FAM53A: variants seen among roughly 807,000 people sequenced by gnomAD.
FAM53A encodes family with sequence similarity 53 member A, also known as protein FAM53A.
A neutral mutation model predicts 26.6 loss-of-function variants in FAM53A; 28 were observed. That is an observed-to-expected ratio of 1.05 (90% confidence interval 0.78 to 1.45). The LOEUF is 1.45. FAM53A is among the 40% of genes most tolerant of loss of function. The pLI is 0.00. For missense variants in FAM53A, 650 were observed against 575.8 expected, an observed-to-expected ratio of 1.13 and a Z score of -1.32; for synonymous variants, 290 against 253.1, an observed-to-expected ratio of 1.15 and a Z score of -1.38.
At chr4:1,579,866 A>C in the FAM53A span, among the ~76,000 whole-genome samples, 1 of 152,194 alleles carries the variant, frequency 6.6e-6, no homozygotes, top group Non-Finnish European at 1.5e-5. Flanking sequence ...TCCACCCATC[A>C]GGCCTCGCCG....
chr4:1,667,682 C>A (rs1714333618), intron 2 of FAM53A, among the ~76,000 whole-genome samples: 1 of 152,172 alleles, frequency 6.6e-6, no homozygotes, highest in Admixed American at 6.5e-5. Context: ...AGACCCACAG[C>A]TTTCCCTTCA....
chr4:1,600,593 G>T, the FAM53A span, among the ~76,000 whole-genome samples: 156 of 152,290 alleles, frequency 1.0e-3, no homozygotes, highest in African/African-American at 3.6e-3. Context: ...TGCTGTGGCC[G>T]GCACACTGCG....
At chr4:1,649,200 A>AAGGGGAAG (rs1279318945) in intron 4 of FAM53A, among the ~76,000 whole-genome samples, 13 of 95,968 alleles carry the variant, frequency 1.4e-4, no homozygotes, top group African/African-American at 3.9e-4. Flanking sequence ...GGAAGGGGAA[A>AAGGGGAAG]GGGAAAGGGA....
intron 2 of FAM53A, among the ~76,000 whole-genome samples, chr4:1,663,200 A>G (rs1713983734): frequency 6.6e-6 from 1 of 152,330 alleles, no homozygotes; most frequent in Non-Finnish European, 1.5e-5. Flanking sequence ...TCAAGAAAAA[A>G]AGAGTTGGAG....
At chr4:1,657,259 G>A (rs1713455965) in intron 3 of FAM53A, 149 bp downstream of exon 3, 1 of 697,222 alleles carries the variant, frequency 1.4e-6, no homozygotes, top group Non-Finnish European at 2.4e-6. Flanking sequence ...ACGGCAGCAG[G>A]GACCACCCCA....
chr4:1,657,357 C>T (rs554334549), intron 3 of FAM53A, 51 bp downstream of exon 3: 2 of 1,551,668 alleles, frequency 1.3e-6, no homozygotes, highest in East Asian at 2.3e-5. Context: ...AGCCCAGGAG[C>T]CCAGTCCCAG....
chr4:1,682,982 A>T (rs1382541207), intron 1 of FAM53A, among the ~76,000 whole-genome samples: 2 of 152,202 alleles, frequency 1.3e-5, no homozygotes, highest in African/African-American at 4.8e-5. Context: ...AAAGCTGCAG[A>T]ATCAAAAGCT....
chr4:1,644,974 T>G (rs993807348), intron 4 of FAM53A: 19 of 152,342 alleles, frequency 1.2e-4, no homozygotes. Flanking sequence ...AAACACGGGT[T>G]TACTCTCTTG....
Position 1,655,162 on chromosome 4 carries a change from C to G in FAM53A, c.698G>C (p.Gly233Ala). The G allele has an allele frequency of 1.3e-6, 2 of 1,575,196 alleles. No individual in the cohort carries two copies. The highest frequency in any genetic ancestry group is 8.6e-7 in the Non-Finnish European group (1 of 1,165,552). ...GCTGCTGGCCCAGGGCAGGGGAGTG[C>G]CCGCACCCGCGAGTCGCTCCTGTGA... ...SLSQERLAGA[G>A]TPLPWASSSP... Residue 233 changes from glycine (G) to alanine (A), a missense_variant, in exon 4 of 5, where the codon GGC (glycine) becomes GCC (alanine). Coordinates refer to ENST00000308132, the MANE Select transcript of FAM53A (RefSeq NM_001174070.3).
the FAM53A span, among the ~76,000 whole-genome samples, chr4:1,600,207 G>A: frequency 1.3e-5 from 2 of 152,194 alleles, no homozygotes; most frequent in East Asian, 3.9e-4. Flanking sequence ...GGCTGGGGCA[G>A]GAGGGGGTGC....
At position 1,678,267 on chromosome 4, in the gene FAM53A, C is replaced by T. The variant is rs192752485; in HGVS notation, c.-165+5966G>A. On this transcript the variant is annotated intron_variant, in intron 1 of 4. Transcript: ENST00000308132. ...CAGAGGTGGGAGCACTGCTTCAGCC[C>T]GAGAGGTGGAGGATGCAATGATCCA... Among the ~76,000 whole-genome samples the T allele has an allele frequency of 4.6e-5, 7 of 152,232 alleles. No individual in the cohort carries two copies. In the East Asian group the frequency reaches 1.4e-3, roughly 29 times the overall value.
intron 4 of FAM53A, chr4:1,644,442 C>T (rs901226865): frequency 3.6e-6 from 5 of 1,401,472 alleles, no homozygotes; most frequent in South Asian, 1.4e-5. Context: ...TACAGCTCAG[C>T]GCCCAACAGC....
At chr4:1,605,524 C>T in the FAM53A span, among the ~76,000 whole-genome samples, 4 of 152,156 alleles carry the variant, frequency 2.6e-5, no homozygotes, top group Admixed American at 6.5e-5. The surrounding 1 kb of genome is among the most constrained non-coding windows in gnomAD (Gnocchi z 5.7). Context: ...AGGGAGGGGA[C>T]GACGCGCAAC....
chr4:1,588,141 G>A, the FAM53A span, among the ~76,000 whole-genome samples: 1 of 152,232 alleles, frequency 6.6e-6, no homozygotes, highest in African/African-American at 2.4e-5. Context: ...CTTTTCAGCA[G>A]ACTGGGATTT....
At chr4:1,637,829 T>C (rs1404646972), downstream of FAM53A, among the ~76,000 whole-genome samples, 2 of 152,034 alleles carry the variant, frequency 1.3e-5, no homozygotes, top group African/African-American at 4.8e-5. Context: ...GCCCAGTGGA[T>C]CCCACACGGG....
chr4:1,590,476 C>T, the FAM53A span, among the ~76,000 whole-genome samples: 12 of 152,064 alleles, frequency 7.9e-5, no homozygotes, highest in African/African-American at 2.9e-4. Flanking sequence ...CAGGTCCAGC[C>T]CTGAACCACA....
At chr4:1,644,397 G>A (rs1712051168) in intron 4 of FAM53A, 1 of 1,521,156 alleles carries the variant, frequency 6.6e-7, no homozygotes, top group Non-Finnish European at 8.8e-7. Context: ...AGTCGGTGCA[G>A]GAGAAAAAAC....
At chr4:1,602,129 G>A in the FAM53A span, among the ~76,000 whole-genome samples, 5 of 152,232 alleles carry the variant, frequency 3.3e-5, no homozygotes, top group Non-Finnish European at 7.3e-5. Context: ...CCAGGACTAG[G>A]CCTGCCTCAT....
At chr4:1,614,418 T>C (rs1353254902), downstream of FAM53A, among the ~76,000 whole-genome samples, 8 of 109,522 alleles carry the variant, frequency 7.3e-5, no homozygotes, top group African/African-American at 2.5e-4. Flanking sequence ...GTGAGGGGGA[T>C]GCAGAGACGT....
Sources: gnomAD v4.1 joint callset for allele counts (sites outside exome capture counted in the v4.1 genomes callset) on GRCh38, gnomAD v4.1.1 for gene constraint, Gnocchi (gnomAD v3.1) non-coding constraint, MANE v1.5 for transcripts, NCBI Gene and HGNC (gene_info 2026-07-23, HGNC 2026-07-21) for gene names.